The following CBLN4 variants were observed in gnomAD, a reference collection of about 807,000 sequenced individuals.
CBLN4 encodes the protein cerebellin-4.
A neutral mutation model predicts 14.9 loss-of-function variants in CBLN4; 7 were observed. The ratio of observed to expected loss-of-function variants is 0.47; its 90% CI spans 0.27 to 0.88. The LOEUF is 0.88. Ranked by LOEUF, CBLN4 falls within the 40% of genes least tolerant of loss-of-function variation. The probability of loss-of-function intolerance (pLI) is 0.14; values close to 1 mark genes in which losing one functional copy is unlikely to be tolerated. For synonymous variants in CBLN4, 131 were observed against 116.5 expected (o/e 1.12, Z -0.80); for missense variants, 188 against 256.8 (o/e 0.73, Z 1.83).
rs778187888 is a variant in CBLN4, at chr20:56,004,090, G to A, written c.82C>T (p.Gln28Ter). Residue 28 changes from glutamine to a stop codon, truncating the protein, a stop_gained, in exon 1 of 3, where the codon CAG becomes TAG. Transcript: ENST00000064571. LOFTEE classifies it high-confidence loss of function. The surrounding 1 kb of genome is among the most constrained non-coding windows in gnomAD (Gnocchi z 6.1). Reference protein sequence around the residue: ...LTLPGLPVWAQNDTEPIVLEG... With the variant: ...LTLPGLPVWA ...AGCACGATGGGCTCCGTGTCGTTCT[G>A]TGCCCAGACGGGCAGCCCCGGCAGC... 2 of 1,611,926 alleles carry A rather than the reference G, an allele frequency of 1.2e-6. No homozygotes were observed. Among genetic ancestry groups the A allele is most frequent in the Non-Finnish European group, 1.7e-6 (2 of 1,179,428 alleles).
chr20:55,998,851 A>G, intron 2 of CBLN4, 97 bp from the exon 3 acceptor site: 1 of 891,504 alleles, frequency 1.1e-6, no homozygotes, highest in African/African-American at 1.7e-5. Context: ...AGACCCAGTA[A>G]AATACCTGAT....
chr20:56,003,793 G>C, intron 1 of CBLN4, 88 bp downstream of exon 1: 1 of 1,366,966 alleles, frequency 7.3e-7, no homozygotes, highest in South Asian at 1.4e-5. Context: ...TTTCCCAATC[G>C]GACCAGCTTA....
rs762514707 is a variant in CBLN4 at position 56,003,917 on chromosome 20, C to T, written c.255G>A (p.Glu85=). The part of the protein sequence containing the change: ...AVRSTNHEPS[E]MSNKTRIIYF... ...AAATGATGCGCGTCTTGTTGCTCAT[C>T]TCGGATGGCTCGTGGTTGGTGCTCC... Residue 85 remains glutamate, a synonymous_variant, in exon 1 of 3, where the codon GAG becomes GAA. Transcript: ENST00000064571. The T allele has an allele frequency of 3.1e-6, 5 of 1,613,268 alleles. No individual in the cohort carries two copies. The highest frequency in any genetic ancestry group is 1.1e-5 in the South Asian group (1 of 90,946).
At chr20:56,002,865 T>C (rs1419723932) in intron 1 of CBLN4, among the ~76,000 whole-genome samples, 1 of 152,240 alleles carries the variant, frequency 6.6e-6, no homozygotes, top group Non-Finnish European at 1.5e-5. Context: ...CCACTTAACC[T>C]GTGCCCCCTG....
At chr20:56,000,277 CAT>C (rs551327087) in intron 2 of CBLN4, among the ~76,000 whole-genome samples, 56 of 152,334 alleles carry the variant, frequency 3.7e-4, no homozygotes, top group African/African-American at 1.3e-3. Context: ...GTTCCTCCTT[CAT>C]AGACTTATTC....
At chr20:56,003,856 G>A in intron 1 of CBLN4, 25 bp downstream of exon 1, 1 of 1,572,836 alleles carries the variant, frequency 6.4e-7, no homozygotes, top group East Asian at 2.3e-5. Context: ...CACCCCCTAG[G>A]TGCTCGCTTC....
chr20:56,002,146 C>T (rs1363941894), intron 1 of CBLN4, among the ~76,000 whole-genome samples: 1 of 152,180 alleles, frequency 6.6e-6, no homozygotes, highest in African/African-American at 2.4e-5. Flanking sequence ...GGCTCAACAC[C>T]TAACTTAAAA....
Position 56,005,429 on chromosome 20 carries a change from G to A in CBLN4, c.-1258C>T, listed in dbSNP as rs1312834502. On this transcript the variant is annotated 5_prime_UTR_variant, in exon 1 of 3. Coordinates refer to ENST00000064571, the MANE Select transcript of CBLN4 (RefSeq NM_080617.6). ...GCGCTGCGCGCTGCCCCGAACCTGG[G>A]GACCGGCGGGCGTCCCGACCGCGCC... 6.6e-6 allele frequency: 1 copy of A among 152,182 alleles called. No homozygotes were observed. The highest frequency in any genetic ancestry group is 2.4e-5 in the African/African-American group (1 of 41,454). The allele number at this position is 152,182 out of a possible 1,614,324, so 9.4% of individuals were successfully genotyped here.
chr20:56,003,654 C>T (rs1986412374), intron 1 of CBLN4, among the ~76,000 whole-genome samples: 1 of 152,322 alleles, frequency 6.6e-6, no homozygotes, highest in Admixed American at 6.5e-5. Context: ...TCCCCCGCCG[C>T]CGCAGCAGCC....
chr20:56,003,618 T>C (rs1986411322), intron 1 of CBLN4, among the ~76,000 whole-genome samples: 1 of 152,046 alleles, frequency 6.6e-6, no homozygotes, highest in African/African-American at 2.4e-5. Flanking sequence ...GAGCTCTCGC[T>C]GCCGGGCTCT....
intron 1 of CBLN4, among the ~76,000 whole-genome samples, chr20:56,001,513 T>G (rs750301634): frequency 3.3e-5 from 5 of 152,180 alleles, no homozygotes; most frequent in Admixed American, 6.5e-5. Flanking sequence ...TACCATTTTT[T>G]TTTTCATTCC....
At chr20:56,000,117 G>A (rs887527908) in intron 2 of CBLN4, among the ~76,000 whole-genome samples, 12 of 152,208 alleles carry the variant, frequency 7.9e-5, no homozygotes, top group Non-Finnish European at 1.6e-4. Context: ...GCTTTTGAAT[G>A]TAAGGTCAAG....
At position 56,004,255 on chromosome 20, in the gene CBLN4, A is replaced by G; in HGVS notation, c.-84T>C. Reference sequence around the variant, plus strand: ...TACCCCGGGATCCCGGTGCTCGGGAAGATGCTAGCGGCTAGGTCGACAGCG... The same window carrying G: ...TACCCCGGGATCCCGGTGCTCGGGAGGATGCTAGCGGCTAGGTCGACAGCG... On this transcript the variant is annotated 5_prime_UTR_variant, in exon 1 of 3. Coordinates refer to ENST00000064571, the MANE Select transcript of CBLN4 (RefSeq NM_080617.6). The surrounding 1 kb of genome is among the most constrained non-coding windows in gnomAD (Gnocchi z 6.1). 7.6e-7 allele frequency: 1 copy of G among 1,318,080 alleles called. No individual in the cohort carries two copies. The highest frequency in any genetic ancestry group is 1.7e-5 in the South Asian group (1 of 57,200). The allele number at this position is 1,318,080 out of a possible 1,614,324, so 81.6% of individuals were successfully genotyped here.
At position 56,004,819 on chromosome 20, in the gene CBLN4, C is replaced by T. The variant is rs1052082005; in HGVS notation, c.-648G>A. The T allele has an allele frequency of 2.0e-5, 3 of 152,400 alleles. No homozygotes were observed. Among genetic ancestry groups the T allele is most frequent in the Non-Finnish European group, 4.4e-5 (3 of 68,168 alleles). The allele number at this position is 152,400 out of a possible 1,614,324, so 9.4% of individuals were successfully genotyped here. On this transcript the variant is annotated 5_prime_UTR_variant, in exon 1 of 3. Coordinates refer to ENST00000064571, the MANE Select transcript of CBLN4 (RefSeq NM_080617.6). The surrounding 1 kb of genome is among the most constrained non-coding windows in gnomAD (Gnocchi z 6.1). ...CCAGAGGTAGGGAGGGAGGCAGCGG[C>T]TAGCCAGGTCCCTCGCACCGAAAGC... is the stretch of plus-strand genomic sequence containing the variant.
At chr20:55,998,931 A>G (rs995164770) in intron 2 of CBLN4, among the ~76,000 whole-genome samples, 177 bp from the exon 3 acceptor site, 4 of 152,088 alleles carry the variant, frequency 2.6e-5, no homozygotes, top group Admixed American at 2.6e-4. Context: ...TGTCTGCTGA[A>G]CTGATTTTTT....
intron 1 of CBLN4, 103 bp downstream of exon 1, chr20:56,003,778 C>T (rs973759114): frequency 2.5e-6 from 3 of 1,224,290 alleles, no homozygotes; most frequent in Non-Finnish European, 3.4e-6. Context: ...TTACATGATT[C>T]CCCATTTCCC....
chr20:56,000,255 G>T (rs948386189), intron 2 of CBLN4, among the ~76,000 whole-genome samples: 1 of 152,184 alleles, frequency 6.6e-6, no homozygotes, highest in Non-Finnish European at 1.5e-5. Context: ...TTTTAAAAAT[G>T]TATTTTGAAT....
intron 2 of CBLN4, among the ~76,000 whole-genome samples, chr20:55,999,259 GTA>G (rs1986329892): frequency 1.3e-5 from 2 of 152,160 alleles, no homozygotes; most frequent in East Asian, 3.9e-4. Flanking sequence ...TGAAGTTTGT[GTA>G]TATATGTGTC....
In CBLN4 at chr20:56,004,729, A is replaced by C. The variant is rs1476935304; in HGVS notation, c.-558T>G. On this transcript the variant is annotated 5_prime_UTR_variant, in exon 1 of 3. The change abolishes an upstream ATG in the 5' untranslated region. Coordinates refer to ENST00000064571, the MANE Select transcript of CBLN4 (RefSeq NM_080617.6). This position sits in a 1 kb window ranked among gnomAD's most constrained non-coding sequence, Gnocchi z 6.1. ...CTGAGAAGAACGCGAGGCTGTGTTC[A>C]TGGCCAGGACGCCAGCGACTCCCAC... is the stretch of plus-strand genomic sequence containing the variant. 1.3e-5 allele frequency: 2 copies of C among 152,578 alleles called. No individual in the cohort carries two copies. Among genetic ancestry groups the C allele is most frequent in the African/African-American group, 2.4e-5 (1 of 41,468 alleles). 9.5% of individuals were successfully genotyped at this position (152,578 alleles called of 1,614,324 possible). A position where few individuals can be genotyped will look rare whatever the true frequency, so the allele number is the denominator to read the frequency against.
Sources: allele counts gnomAD v4.1 joint callset (sites outside exome capture counted in the v4.1 genomes callset), GRCh38; gene constraint gnomAD v4.1.1; non-coding constraint Gnocchi (gnomAD v3.1); transcripts MANE v1.5; gene names NCBI Gene and HGNC (gene_info 2026-07-23, HGNC 2026-07-21).